The following PRKCB variants were observed in gnomAD, a reference collection of about 807,000 sequenced individuals.
PRKCB encodes protein kinase C beta.
A neutral mutation model predicts 81.5 loss-of-function variants in PRKCB; 13 were observed. The ratio of observed to expected loss-of-function variants is 0.16; its 90% CI spans 0.10 to 0.25. The LOEUF (loss-of-function observed/expected upper bound fraction) is 0.25. PRKCB is among the 10% of genes least tolerant of loss of function. The pLI is 1.00. For missense variants in PRKCB, 509 were observed against 875.7 expected (o/e 0.58, Z 5.29); for synonymous variants, 335 against 321.4 (o/e 1.04, Z -0.45).
intron 7 of PRKCB, chr16:24,098,453 C>T (rs1966467804): frequency 1.3e-5 from 2 of 151,836 alleles, no homozygotes; most frequent in South Asian, 4.2e-4. Flanking sequence ...TAGAATGAAA[C>T]AAAAAAAAGA....
chr16:24,083,656 G>A (rs12929627), intron 5 of PRKCB, among the ~76,000 whole-genome samples: 3 of 152,160 alleles, frequency 2.0e-5, no homozygotes, highest in Non-Finnish European at 2.9e-5. Flanking sequence ...AAACAGATCG[G>A]TGGTTGCCAG....
At chr16:23,858,227 A>G (rs1336017289) in intron 2 of PRKCB, among the ~76,000 whole-genome samples, 3 of 152,314 alleles carry the variant, frequency 2.0e-5, no homozygotes, top group South Asian at 4.1e-4. Flanking sequence ...CCTTTTGTAG[A>G]TAAGAAAGCA....
At position 24,213,637 on chromosome 16, in the gene PRKCB, G is replaced by A. The variant is rs73550430; in HGVS notation, c.1864-1021G>A. Among the ~76,000 whole-genome samples, 903 of 152,302 alleles carry A rather than the reference G, an allele frequency of 5.9e-3. 10 individuals carry two copies. The highest frequency in any genetic ancestry group is 0.021 in the African/African-American group (855 of 41,554). ...TACTCCTACTACTATTATACTATTAGGTTGTGGTTACCTCGTAGAGATACT... is the reference window on the plus strand; with the variant it reads ...TACTCCTACTACTATTATACTATTAAGTTGTGGTTACCTCGTAGAGATACT... On this transcript the variant is annotated intron_variant, in intron 16 of 16. Coordinates refer to ENST00000643927, the MANE Select transcript of PRKCB (RefSeq NM_002738.7).
intron 2 of PRKCB, among the ~76,000 whole-genome samples, chr16:23,905,341 G>A (rs1963542826): frequency 6.6e-6 from 1 of 152,166 alleles, no homozygotes; most frequent in South Asian, 2.1e-4. Flanking sequence ...AGTACAATGT[G>A]TTACAACACA....
chr16:24,190,904 T>C (rs1194508530), intron 15 of PRKCB, among the ~76,000 whole-genome samples, 186 bp from the exon 16 acceptor site: 1 of 152,178 alleles, frequency 6.6e-6, no homozygotes, highest in East Asian at 1.9e-4. Flanking sequence ...GTGGGTCCTA[T>C]TATCAGGTCC....
intron 16 of PRKCB, among the ~76,000 whole-genome samples, chr16:24,198,592 C>T (rs533119419): frequency 6.6e-6 from 1 of 152,298 alleles, no homozygotes; most frequent in Non-Finnish European, 1.5e-5. Flanking sequence ...CCCACCTCTG[C>T]CTCTGAAAGT....
At chr16:23,864,172 G>GTTCCTA (rs1481563927) in intron 2 of PRKCB, among the ~76,000 whole-genome samples, 1 of 152,158 alleles carries the variant, frequency 6.6e-6, no homozygotes, top group Non-Finnish European at 1.5e-5. Flanking sequence ...GGTCCCTTCC[G>GTTCCTA]AAGTAGAGGC....
chr16:23,939,300 A>G (rs763197361), intron 2 of PRKCB, among the ~76,000 whole-genome samples: 17 of 152,252 alleles, frequency 1.1e-4, no homozygotes, highest in Non-Finnish European at 1.8e-4. Context: ...TAAAGGTAGC[A>G]GCTATCCCCA....
chr16:24,177,732 T>C (rs934281134), intron 12 of PRKCB, among the ~76,000 whole-genome samples: 1 of 152,136 alleles, frequency 6.6e-6, no homozygotes, highest in Non-Finnish European at 1.5e-5. Flanking sequence ...CAAGGGGTGA[T>C]GTGTGTGTCC....
At chr16:24,177,675 G>A (rs1425611690) in intron 12 of PRKCB, among the ~76,000 whole-genome samples, 1 of 152,184 alleles carries the variant, frequency 6.6e-6, no homozygotes, top group East Asian at 1.9e-4. Flanking sequence ...CAAGAGAAGA[G>A]GGTCTTAATA....
intron 2 of PRKCB, among the ~76,000 whole-genome samples, chr16:23,904,985 GTTTTC>G (rs1296218278): frequency 2.7e-5 from 4 of 149,438 alleles, no homozygotes; most frequent in Non-Finnish European, 5.9e-5. Context: ...TGTTTCTGGT[GTTTTC>G]TTCTCTTCAC....
chr16:23,941,610 G>A (rs929502068), intron 2 of PRKCB, among the ~76,000 whole-genome samples: 3 of 152,116 alleles, frequency 2.0e-5, no homozygotes, highest in Non-Finnish European at 2.9e-5. Flanking sequence ...TTATTAGGAA[G>A]TCTATTAATA....
chr16:24,105,607 A>C (rs1966566157), intron 7 of PRKCB, among the ~76,000 whole-genome samples: 1 of 151,942 alleles, frequency 6.6e-6, no homozygotes, highest in South Asian at 2.1e-4. Flanking sequence ...TGTTCAACTT[A>C]TGAGTGAGAA....
intron 2 of PRKCB, chr16:23,869,420 A>T (rs933166211): frequency 1.9e-4 from 43 of 229,914 alleles, no homozygotes; most frequent in African/African-American, 8.4e-4. Context: ...GCACTTACCT[A>T]CCAAAAGCTG....
At chr16:24,096,521 A>G (rs4787738) in intron 7 of PRKCB, among the ~76,000 whole-genome samples, 14,867 of 151,324 alleles carry the variant, frequency 0.098, 837 homozygotes, top group Middle Eastern at 0.2. Flanking sequence ...ATGGTGTCTG[A>G]GAAGCTACCG....
At chr16:23,860,808 G>A (rs1962651953) in intron 2 of PRKCB, among the ~76,000 whole-genome samples, 2 of 152,256 alleles carry the variant, frequency 1.3e-5, no homozygotes, top group South Asian at 4.2e-4. Flanking sequence ...TCGGGAGGCT[G>A]AGGCAGGAGA....
At chr16:24,167,608 T>C (rs1244597514) in intron 10 of PRKCB, among the ~76,000 whole-genome samples, 1 of 152,118 alleles carries the variant, frequency 6.6e-6, no homozygotes, top group Non-Finnish European at 1.5e-5. Context: ...TCCTGTAACC[T>C]GCCAGCTTCT....
intron 2 of PRKCB, among the ~76,000 whole-genome samples, chr16:23,933,588 T>C (rs888003395): frequency 2.6e-5 from 4 of 152,152 alleles, no homozygotes; most frequent in African/African-American, 9.7e-5. Flanking sequence ...TATTATATTA[T>C]AGACTGGTTT....
At chr16:23,969,416 T>C (rs1291929733) in intron 2 of PRKCB, among the ~76,000 whole-genome samples, 2 of 152,126 alleles carry the variant, frequency 1.3e-5, no homozygotes, top group Non-Finnish European at 2.9e-5. Flanking sequence ...TAAAATAATG[T>C]TTTTGAGACT....
Sources: allele counts gnomAD v4.1 joint callset (sites outside exome capture counted in the v4.1 genomes callset), GRCh38; gene constraint gnomAD v4.1.1; transcripts MANE v1.5; gene names NCBI Gene and HGNC (gene_info 2026-07-23, HGNC 2026-07-21).